Variants in DCTN2 observed in about 807,000 individuals in gnomAD.
The protein encoded by DCTN2 is 50 kDa dynein-associated polypeptide.
Under a neutral mutation model 55.4 loss-of-function variants are expected in DCTN2, and 18 were observed. That is an observed-to-expected ratio of 0.32 (90% CI 0.22 to 0.48). The LOEUF (loss-of-function observed/expected upper bound fraction) is 0.48. DCTN2 is among the 20% of genes least tolerant of loss of function. DCTN2 has a pLI of 0.99. For synonymous variants in DCTN2, 168 were observed against 185.2 expected (o/e 0.91, Z 0.76); for missense variants, 390 against 491.0 (o/e 0.79, Z 1.94).
intron 2 of DCTN2, among the ~76,000 whole-genome samples, chr12:57,537,643 G>A (rs547961445): frequency 1.3e-5 from 2 of 151,954 alleles, no homozygotes; most frequent in Admixed American, 1.3e-4. Context: ...GGAAGGAAAG[G>A]ACAAAGTATC....
intron 5 of DCTN2, 185 bp from the exon 6 acceptor site, chr12:57,534,637 T>C: frequency 1.8e-6 from 1 of 552,414 alleles, no homozygotes; most frequent in South Asian, 3.1e-5. Flanking sequence ...CTGGAAACCT[T>C]AGCCCCTTTA....
At position 57,547,181 on chromosome 12, in the gene DCTN2, T is replaced by G; in HGVS notation, c.-118A>C. 1 of 825,692 alleles carries G rather than the reference T, an allele frequency of 1.2e-6. No homozygotes were observed. The highest frequency in any genetic ancestry group is 1.6e-6 in the Non-Finnish European group (1 of 609,958). 51.1% of individuals were successfully genotyped at this position (825,692 alleles called of 1,614,324 possible). A position where few individuals can be genotyped will look rare whatever the true frequency, so the allele number is the denominator to read the frequency against. On this transcript the variant is annotated 5_prime_UTR_variant, in exon 1 of 14. Transcript: ENST00000548249. ...AGGCGGCGGCAAAGGGAGCGGCAGATGAGCAGGAAGTCTCGCGACAGCAGT... is the reference window on the plus strand; with the variant it reads ...AGGCGGCGGCAAAGGGAGCGGCAGAGGAGCAGGAAGTCTCGCGACAGCAGT...
intron 5 of DCTN2, 168 bp from the exon 6 acceptor site, chr12:57,534,620 G>A: frequency 3.4e-6 from 2 of 592,100 alleles, no homozygotes; most frequent in Non-Finnish European, 5.6e-6. Context: ...ATGCATATTT[G>A]TAAACTCTGG....
intron 11 of DCTN2, 101 bp from the exon 12 acceptor site, chr12:57,532,416 A>C: frequency 7.5e-7 from 1 of 1,337,854 alleles, no homozygotes; most frequent in South Asian, 1.2e-5. Flanking sequence ...TCAAGTGGGC[A>C]GAGGGAAGCA....
Position 57,546,850 on chromosome 12 carries a change from C to A in DCTN2, c.36+178G>T, listed in dbSNP as rs796313935. On this transcript the variant is annotated intron_variant, in intron 1 of 13. Coordinates refer to ENST00000548249, the MANE Select transcript of DCTN2 (RefSeq NM_001261413.2). ...GGGCCTGGTGCGCCGTCCGGCGGCC[C>A]GGCCCAGTCGGGTCAGAAGAGTTCG... 2.6e-5 allele frequency among the ~76,000 whole-genome samples: 4 copies of A among 152,304 alleles called. No homozygotes were observed. The South Asian group carries it at 8.3e-4, about 32-fold the overall frequency.
Position 57,532,062 on chromosome 12 carries a change from G to T in DCTN2, c.1072C>A (p.Gln358Lys). ...QLLTHLDTTQ[Q>K]MIANSLKDNT... ...TCCTTCAAGGAATTAGCAATCATCTGCTGGGTGGTATCCAAGTGTGTCAGG... is the reference window on the plus strand; with the variant it reads ...TCCTTCAAGGAATTAGCAATCATCTTCTGGGTGGTATCCAAGTGTGTCAGG... Residue 358 changes from glutamine to lysine, a missense_variant, in exon 13 of 14, where the codon CAG (glutamine) becomes AAG (lysine). This residue lies in a region of DCTN2 where 273 missense variants were observed against 303.2 expected (regional missense o/e 0.90). Coordinates refer to ENST00000548249, the MANE Select transcript of DCTN2 (RefSeq NM_001261413.2). 6.4e-7 allele frequency: 1 copy of T among 1,566,424 alleles called. No homozygotes were observed. The highest frequency in any genetic ancestry group is 8.7e-7 in the Non-Finnish European group (1 of 1,154,740).
chr12:57,533,187 C>G, intron 8 of DCTN2, 51 bp downstream of exon 8: 1 of 1,596,458 alleles, frequency 6.3e-7, no homozygotes, highest in East Asian at 2.2e-5. Context: ...GACCTTAAGG[C>G]CTAGAGTTGC....
At chr12:57,531,192 C>T (rs1371140400) in intron 13 of DCTN2, among the ~76,000 whole-genome samples, 2 of 152,266 alleles carry the variant, frequency 1.3e-5, no homozygotes, top group Admixed American at 1.3e-4. Context: ...GACTTTAATG[C>T]TCCTTCCAGC....
At chr12:57,546,135 A>C in intron 1 of DCTN2, 39 bp from the exon 2 acceptor site, 1 of 1,586,602 alleles carries the variant, frequency 6.3e-7, no homozygotes. Flanking sequence ...CTCACTACCC[A>C]GCATCCAACA....
In DCTN2 at chr12:57,532,695, C is replaced by A. The variant is rs118012274; in HGVS notation, c.852+38G>T. 303 of 1,613,752 alleles carry A rather than the reference C, an allele frequency of 1.9e-4. 2 individuals carry two copies. In the East Asian group the frequency reaches 6.0e-3, roughly 32 times the overall value. ...AGGGCATCCAGGGCTTCCAGAGTCCCAAGCTATCCATAATTTAATTTTCCC... is the reference window on the plus strand; with the variant it reads ...AGGGCATCCAGGGCTTCCAGAGTCCAAAGCTATCCATAATTTAATTTTCCC... On this transcript the variant is annotated intron_variant, in intron 10 of 13. Transcript: ENST00000548249.
intron 7 of DCTN2, among the ~76,000 whole-genome samples, chr12:57,533,728 G>A (rs959037352): frequency 1.3e-5 from 2 of 149,308 alleles, no homozygotes; most frequent in African/African-American, 2.5e-5. Context: ...CCAAGATTGC[G>A]CCACTGCACT....
chr12:57,545,938 T>TAGCG (rs753732924), intron 2 of DCTN2, 90 bp downstream of exon 2: 1 of 1,398,500 alleles, frequency 7.2e-7, no homozygotes, highest in Non-Finnish European at 1.0e-6. Context: ...CATACCCGCT[T>TAGCG]ATTGCTGTAG....
rs1411833947 is a variant in DCTN2 at position 57,530,701 on chromosome 12, C to T, written c.1194G>A (p.Lys398=). 1.2e-6 allele frequency: 2 copies of T among 1,613,750 alleles called. No homozygotes were observed. The highest frequency in any genetic ancestry group is 1.7e-5 in the Admixed American group (1 of 59,996). The change falls in exon 14 of 14, where the codon AAG becomes AAA. Residue 398 remains lysine, a synonymous_variant. Transcript: ENST00000548249. ...CTCCCAAATGTGCTCACTTTCCCAG[C>T]TTCTTCATCCGTTCATCAATGCTGG... ...NFASIDERMK[K]LGK is the part of the protein sequence containing the mutation.
intron 13 of DCTN2, 50 bp from the exon 14 acceptor site, chr12:57,530,825 C>G (rs1480793439): frequency 2.1e-6 from 3 of 1,447,342 alleles, no homozygotes; most frequent in East Asian, 2.3e-5. Flanking sequence ...AGTTGCTTAA[C>G]TGGATGAGGA....
chr12:57,544,396 T>A (rs1485271341), intron 2 of DCTN2, among the ~76,000 whole-genome samples: 2 of 352 alleles, frequency 5.7e-3, no homozygotes, highest in Non-Finnish European at 0.17. Flanking sequence ...TTAAATTTTG[T>A]TTTTTTTTTT....
rs1880189680 is a variant in DCTN2, at chr12:57,535,849, C to T, written c.106-4G>A. Reference sequence around the variant, plus strand: ...CACTTGTGCTTGTCAGCTCCTCCTGCAAGAACAGGTAGTTTAGGCCAGGGA... The same window carrying T: ...CACTTGTGCTTGTCAGCTCCTCCTGTAAGAACAGGTAGTTTAGGCCAGGGA... On this transcript the variant is annotated splice_polypyrimidine_tract_variant and splice_region_variant and intron_variant, in intron 2 of 13. Coordinates refer to ENST00000548249, the MANE Select transcript of DCTN2 (RefSeq NM_001261413.2). The T allele has an allele frequency of 6.2e-7, 1 of 1,610,660 alleles. No individual in the cohort carries two copies.
Position 57,530,673 on chromosome 12 carries a change from C to T in DCTN2, c.*16G>A. 6.8e-6 allele frequency: 11 copies of T among 1,610,106 alleles called. No homozygotes were observed. In the Admixed American group the frequency reaches 1.5e-4, roughly 22 times the overall value. ...AGGGGTAGGGATAACCCCTGTTCTCCAGCTCCCAAATGTGCTCACTTTCCC... is the reference window on the plus strand; with the variant it reads ...AGGGGTAGGGATAACCCCTGTTCTCTAGCTCCCAAATGTGCTCACTTTCCC... On this transcript the variant is annotated 3_prime_UTR_variant, in exon 14 of 14. Coordinates refer to ENST00000548249, the MANE Select transcript of DCTN2 (RefSeq NM_001261413.2).
At chr12:57,534,988 T>C in intron 5 of DCTN2, 68 bp downstream of exon 5, 1 of 1,365,916 alleles carries the variant, frequency 7.3e-7, no homozygotes, top group Non-Finnish European at 1.0e-6. Context: ...AATCTTTCTC[T>C]TCTTGCTTGA....
rs184394315 is a variant in DCTN2 at position 57,538,849 on chromosome 12, T to C, written c.106-3004A>G. 1.9e-3 allele frequency among the ~76,000 whole-genome samples: 287 copies of C among 152,282 alleles called. 2 individuals carry two copies. The highest frequency in any genetic ancestry group is 6.5e-3 in the African/African-American group (271 of 41,548). On this transcript the variant is annotated intron_variant, in intron 2 of 13. Transcript: ENST00000548249. ...TCATCTGAAAACTAGGAGTTAGATG[T>C]TACCAGCCAGTGGCATGGAATAAGA...
Sources: allele counts gnomAD v4.1 joint callset (sites outside exome capture counted in the v4.1 genomes callset), GRCh38; gene constraint gnomAD v4.1.1; regional missense constraint gnomAD v4.1.1; transcripts MANE v1.5; gene names NCBI Gene and HGNC (gene_info 2026-07-23, HGNC 2026-07-21).